Variants in PDE3A observed in about 807,000 individuals in gnomAD.
The protein encoded by PDE3A is phosphodiesterase 3A.
A neutral mutation model predicts 98.3 loss-of-function variants in PDE3A; 43 were observed. The observed-to-expected ratio is 0.44, with a 90% CI of 0.34 to 0.56. PDE3A has a LOEUF of 0.56. Ranked by LOEUF, PDE3A falls within the 20% of genes least tolerant of loss-of-function variation. The probability of loss-of-function intolerance (pLI) is 0.01; values close to 1 mark genes in which losing one functional copy is unlikely to be tolerated. For synonymous variants in PDE3A, 663 were observed against 567.9 expected, an observed-to-expected ratio of 1.17 and a Z score of -2.38; for missense variants, 1,427 against 1,440.7, an observed-to-expected ratio of 0.99 and a Z score of 0.15.
intron 1 of PDE3A, among the ~76,000 whole-genome samples, chr12:20,525,593 C>T (rs182634546): frequency 1.8e-4 from 27 of 152,220 alleles, no homozygotes; most frequent in African/African-American, 6.3e-4. Context: ...GTGTCAGTCA[C>T]TATTTCAGAA....
chr12:20,638,907 G>T (rs1027308106), intron 9 of PDE3A, among the ~76,000 whole-genome samples: 1 of 151,898 alleles, frequency 6.6e-6, no homozygotes, highest in Non-Finnish European at 1.5e-5. Flanking sequence ...AGGCTTAAAA[G>T]AGGCTATGCT....
intron 1 of PDE3A, among the ~76,000 whole-genome samples, chr12:20,493,841 G>T (rs887554862): frequency 6.6e-6 from 1 of 152,134 alleles, no homozygotes; most frequent in African/African-American, 2.4e-5. Flanking sequence ...TGTTGGTCAG[G>T]CTGGTCTCGA....
At chr12:20,448,754 T>TTTTTTTG (rs1407087186) in intron 1 of PDE3A, among the ~76,000 whole-genome samples, 1 of 147,464 alleles carries the variant, frequency 6.8e-6, no homozygotes, top group East Asian at 2.0e-4. Context: ...ATTTTAAGGT[T>TTTTTTTG]TTTTTTTTTT....
At chr12:20,464,827 T>G (rs928108769) in intron 1 of PDE3A, among the ~76,000 whole-genome samples, 3 of 152,170 alleles carry the variant, frequency 2.0e-5, no homozygotes, top group African/African-American at 7.2e-5. Context: ...TACAGGGCTT[T>G]CTAGACATAC....
At chr12:20,426,372 A>G (rs149136976) in intron 1 of PDE3A, among the ~76,000 whole-genome samples, 41 of 152,302 alleles carry the variant, frequency 2.7e-4, no homozygotes, top group African/African-American at 9.6e-4. Context: ...TAAAAGAGAA[A>G]AAAAGAATAA....
chr12:20,428,820 T>C (rs1944645712), intron 1 of PDE3A, among the ~76,000 whole-genome samples: 1 of 152,216 alleles, frequency 6.6e-6, no homozygotes, highest in African/African-American at 2.4e-5. Flanking sequence ...TGCGTACCAC[T>C]ATGATTGATA....
chr12:20,593,328 G>A (rs1408208606), intron 2 of PDE3A, among the ~76,000 whole-genome samples: 2 of 152,116 alleles, frequency 1.3e-5, no homozygotes, highest in Non-Finnish European at 2.9e-5. Context: ...AGGGCGGCGG[G>A]TTAAAGGTTA....
intron 5 of PDE3A, among the ~76,000 whole-genome samples, 159 bp from the exon 6 acceptor site, chr12:20,629,749 C>G (rs1454477350): frequency 6.6e-6 from 1 of 152,160 alleles, no homozygotes; most frequent in Non-Finnish European, 1.5e-5. Flanking sequence ...ACCCCAACCA[C>G]ACTGGCTTCA....
chr12:20,580,532 T>C (rs1943038531), intron 2 of PDE3A, among the ~76,000 whole-genome samples: 2 of 152,202 alleles, frequency 1.3e-5, no homozygotes, highest in African/African-American at 4.8e-5. Context: ...ACCACACTGG[T>C]AATATTAAAA....
rs1312917172 is a variant in PDE3A, at chr12:20,552,626, C to T, written c.961-4034C>T. 1 of 1,613,672 alleles carries T rather than the reference C, an allele frequency of 6.2e-7. No individual in the cohort carries two copies. The highest frequency in any genetic ancestry group is 1.7e-5 in the Admixed American group (1 of 59,974). ...AGGGCCGGGTCCCCGCGCCGGACAT[C>T]CAAGAAAACCAAGGTGGAGCCCTAC... On this transcript the variant is annotated intron_variant, in intron 1 of 15. Transcript: ENST00000359062. The surrounding 1 kb of genome is among the most constrained non-coding windows in gnomAD (Gnocchi z 5.1).
chr12:20,440,194 G>A (rs1302695163), intron 1 of PDE3A, among the ~76,000 whole-genome samples: 1 of 152,114 alleles, frequency 6.6e-6, no homozygotes, highest in African/African-American at 2.4e-5. Context: ...AAAAGTGATG[G>A]TGTGTAGGAT....
At chr12:20,593,626 GA>G (rs1943395098) in intron 2 of PDE3A, among the ~76,000 whole-genome samples, 1 of 152,004 alleles carries the variant, frequency 6.6e-6, no homozygotes, top group Non-Finnish European at 1.5e-5. Context: ...AGAAAGCAAA[GA>G]ATAAATACAA....
chr12:20,479,842 GT>G (rs1166166945), intron 1 of PDE3A, among the ~76,000 whole-genome samples: 1 of 152,158 alleles, frequency 6.6e-6, no homozygotes, highest in Non-Finnish European at 1.5e-5. Context: ...GTTCAACAAA[GT>G]CTTAAATTGA....
chr12:20,507,512 C>A (rs1337953338), intron 1 of PDE3A, among the ~76,000 whole-genome samples: 2 of 151,948 alleles, frequency 1.3e-5, no homozygotes, highest in African/African-American at 2.4e-5. Context: ...TCGACAGCTT[C>A]CCCTCTTCTG....
intron 4 of PDE3A, among the ~76,000 whole-genome samples, chr12:20,616,987 G>A (rs1186367114): frequency 6.6e-6 from 1 of 151,666 alleles, no homozygotes; most frequent in East Asian, 1.9e-4. Context: ...GAAGAAAATA[G>A]CTAAGGAAAG....
rs1384335332 is a variant in PDE3A at position 20,395,542 on chromosome 12, A to T, written c.960+25298A>T. On this transcript the variant is annotated intron_variant, in intron 1 of 15. Transcript: ENST00000359062. The stretch of plus-strand genomic sequence containing the variant: ...TATGTGTACACATAGTATAATATGT[A>T]TACTATGTGTACACATAGTATATAT... Among the ~76,000 whole-genome samples the T allele has an allele frequency of 2.7e-5, 4 of 147,044 alleles. 1 individual carries two copies. The South Asian group carries it at 8.4e-4, about 31-fold the overall frequency.
intron 2 of PDE3A, among the ~76,000 whole-genome samples, chr12:20,568,936 G>A (rs972078856): frequency 8.6e-5 from 13 of 151,960 alleles, no homozygotes; most frequent in African/African-American, 2.9e-4. Context: ...AATTTTTAAA[G>A]GCTGAGTACA....
intron 15 of PDE3A, among the ~76,000 whole-genome samples, chr12:20,667,298 A>T (rs1945339007): frequency 6.6e-6 from 1 of 151,902 alleles, no homozygotes; most frequent in African/African-American, 2.4e-5. Flanking sequence ...ATTTGTCTGT[A>T]TTTGTTTTTG....
intron 5 of PDE3A, among the ~76,000 whole-genome samples, chr12:20,622,345 G>T (rs576263661): frequency 6.6e-6 from 1 of 152,086 alleles, no homozygotes; most frequent in African/African-American, 2.4e-5. Context: ...TGCTATGAAG[G>T]CAAGAACAAT....
Sources: gnomAD v4.1 joint callset for allele counts (sites outside exome capture counted in the v4.1 genomes callset) on GRCh38, gnomAD v4.1.1 for gene constraint, Gnocchi (gnomAD v3.1) non-coding constraint, MANE v1.5 for transcripts, NCBI Gene and HGNC (gene_info 2026-07-23, HGNC 2026-07-21) for gene names.